The following ULK4 variants were observed in gnomAD, a reference collection of about 807,000 sequenced individuals.
The protein encoded by ULK4 is inactive serine/threonine-protein kinase ULK4.
ULK4 carries 133 observed loss-of-function variants against 160.6 expected under a neutral mutation model. The ratio of observed to expected loss-of-function variants is 0.83; its 90% confidence interval spans 0.72 to 0.96. ULK4 has a LOEUF of 0.96. Among genes scored for constraint, ULK4 ranks in the 40% least tolerant of loss-of-function variants. The pLI, the probability that ULK4 is intolerant of heterozygous loss-of-function variation, is 0.00. For synonymous variants in ULK4, 534 were observed against 539.8 expected (o/e 0.99, Z 0.15); for missense variants, 1,580 against 1,499.5 (o/e 1.05, Z -0.89).
intron 31 of ULK4, among the ~76,000 whole-genome samples, chr3:41,598,707 T>C (rs913584938): frequency 6.6e-6 from 1 of 151,420 alleles, no homozygotes; most frequent in African/African-American, 2.4e-5. Flanking sequence ...ACATTTAATC[T>C]CAGTCGCTGC....
intron 31 of ULK4, among the ~76,000 whole-genome samples, chr3:41,586,962 A>G (rs1377147410): frequency 6.6e-6 from 1 of 152,166 alleles, no homozygotes; most frequent in African/African-American, 2.4e-5. Flanking sequence ...GCCATTTATT[A>G]TCTTAGTTTC....
intron 35 of ULK4, among the ~76,000 whole-genome samples, chr3:41,340,749 G>T (rs948339070): frequency 2.0e-5 from 3 of 152,166 alleles, no homozygotes; most frequent in African/African-American, 4.8e-5. Flanking sequence ...ATCTCCAAAG[G>T]TTCTTTCGTC....
At chr3:41,578,360 C>T (rs938778903) in intron 31 of ULK4, among the ~76,000 whole-genome samples, 3 of 152,128 alleles carry the variant, frequency 2.0e-5, no homozygotes, top group Admixed American at 2.0e-4. Context: ...TTTCCATAAC[C>T]GAAGGCAATC....
chr3:41,872,659 T>C (rs1697140091), intron 17 of ULK4, among the ~76,000 whole-genome samples: 1 of 151,900 alleles, frequency 6.6e-6, no homozygotes, highest in South Asian at 2.1e-4. Flanking sequence ...TTATTATTAT[T>C]ATTGGCAAGA....
intron 30 of ULK4, among the ~76,000 whole-genome samples, chr3:41,653,274 A>G (rs377153092): frequency 1.5e-3 from 225 of 152,200 alleles, no homozygotes; most frequent in African/African-American, 5.2e-3. Flanking sequence ...GAGCCCATTG[A>G]AATTATTCAA....
At chr3:41,918,124 T>C (rs547482796) in intron 7 of ULK4, among the ~76,000 whole-genome samples, 65 of 152,316 alleles carry the variant, frequency 4.3e-4, no homozygotes, top group African/African-American at 1.4e-3. Context: ...AATAACCACA[T>C]GGGATACGAC....
intron 18 of ULK4, among the ~76,000 whole-genome samples, chr3:41,823,395 G>T (rs139894064): frequency 6.6e-6 from 1 of 152,332 alleles, no homozygotes; most frequent in Admixed American, 6.5e-5. Context: ...GGTAATTACA[G>T]AGACTTTGGC....
At chr3:41,485,317 G>A (rs1177970839) in intron 32 of ULK4, among the ~76,000 whole-genome samples, 1 of 152,218 alleles carries the variant, frequency 6.6e-6, no homozygotes, top group East Asian at 1.9e-4. Flanking sequence ...ACAACACCCA[G>A]GTATGTTTAA....
At chr3:41,769,362 G>C (rs1024482609) in intron 21 of ULK4, among the ~76,000 whole-genome samples, 1 of 152,142 alleles carries the variant, frequency 6.6e-6, no homozygotes, top group Non-Finnish European at 1.5e-5. Context: ...AAGATTACAG[G>C]CTACAGGCAA....
At chr3:41,712,401 G>A (rs1211051090) in intron 25 of ULK4, among the ~76,000 whole-genome samples, 1 of 152,126 alleles carries the variant, frequency 6.6e-6, no homozygotes, top group Non-Finnish European at 1.5e-5. Context: ...CTGCCTCAGG[G>A]GAAGCCAAGA....
chr3:41,896,721 A>C (rs1044678607), intron 15 of ULK4, 101 bp downstream of exon 15: 2 of 1,312,784 alleles, frequency 1.5e-6, no homozygotes, highest in Non-Finnish European at 2.0e-6. Context: ...GTGATAAATC[A>C]GTTTTTTTGT....
At position 41,458,905 on chromosome 3, in the gene ULK4, G is replaced by A. The variant is rs567583212; in HGVS notation, c.3394-3310C>T. 2.2e-4 allele frequency among the ~76,000 whole-genome samples: 33 copies of A among 152,046 alleles called. No individual in the cohort carries two copies. The South Asian group carries it at 2.5e-3, about 11-fold the overall frequency. On this transcript the variant is annotated intron_variant, in intron 33 of 36. Transcript: ENST00000301831. ...CAAGTGGCTGGGATTACGGGTCCCC[G>A]CAAGCATGACTGGCTAATTTTTATA...
chr3:41,508,603 T>C (rs75488009), intron 32 of ULK4, among the ~76,000 whole-genome samples: 8,262 of 152,150 alleles, frequency 0.054, 712 homozygotes, highest in African/African-American at 0.19. Flanking sequence ...GAGGAGGTGC[T>C]GGTATTCACA....
At chr3:41,784,831 C>A (rs2039955311) in intron 21 of ULK4, among the ~76,000 whole-genome samples, 1 of 152,136 alleles carries the variant, frequency 6.6e-6, no homozygotes, top group Non-Finnish European at 1.5e-5. Flanking sequence ...GACTCTACCA[C>A]CTTGTTAGTT....
intron 32 of ULK4, among the ~76,000 whole-genome samples, chr3:41,561,231 G>A (rs2700461): frequency 0.43 from 65,295 of 151,494 alleles, 15,129 homozygotes; most frequent in Middle Eastern, 0.55. Context: ...ATCGTGTTGG[G>A]TAAGCTTTCT....
At chr3:41,857,246 T>C (rs1292629436) in intron 17 of ULK4, among the ~76,000 whole-genome samples, 3 of 152,194 alleles carry the variant, frequency 2.0e-5, no homozygotes, top group Non-Finnish European at 4.4e-5. Context: ...ATCTCTGAGA[T>C]GACACTTCAT....
intron 1 of ULK4, among the ~76,000 whole-genome samples, chr3:41,958,043 C>CAA (rs60057307): frequency 1.7e-5 from 2 of 118,492 alleles, no homozygotes; most frequent in East Asian, 2.3e-4. Flanking sequence ...GACCCTTTCT[C>CAA]AAAAAAAAAA....
At chr3:41,844,576 C>T (rs1012168608) in intron 17 of ULK4, among the ~76,000 whole-genome samples, 1 of 152,158 alleles carries the variant, frequency 6.6e-6, no homozygotes, top group Non-Finnish European at 1.5e-5. Flanking sequence ...GCTGAGGGAG[C>T]CGGCTCCAGC....
At chr3:41,535,280 T>C (rs1400258338) in intron 32 of ULK4, among the ~76,000 whole-genome samples, 1 of 152,200 alleles carries the variant, frequency 6.6e-6, no homozygotes, top group Non-Finnish European at 1.5e-5. Context: ...CAGTGGCTGA[T>C]GCACTGATTT....
Sources: gnomAD v4.1 joint callset for allele counts (sites outside exome capture counted in the v4.1 genomes callset) on GRCh38, gnomAD v4.1.1 for gene constraint, MANE v1.5 for transcripts, NCBI Gene and HGNC (gene_info 2026-07-23, HGNC 2026-07-21) for gene names.